The following MYO5C variants were observed in gnomAD, a reference collection of about 807,000 sequenced individuals.
The protein encoded by MYO5C is unconventional myosin-Vc.
In MYO5C, 194 loss-of-function variants were observed where a neutral mutation model predicts 235.7. The ratio of observed to expected loss-of-function variants is 0.82; its 90% CI spans 0.73 to 0.93. The LOEUF is 0.93. Among genes scored for constraint, MYO5C ranks in the 40% least tolerant of loss-of-function variants. The probability of loss-of-function intolerance (pLI) is 0.00; values close to 1 mark genes in which losing one functional copy is unlikely to be tolerated. For synonymous variants in MYO5C, 707 were observed against 754.8 expected (o/e 0.94, Z 1.04); for missense variants, 2,038 against 2,127.2 (o/e 0.96, Z 0.82).
rs2036877706 is a variant in MYO5C, at chr15:52,269,616, CT to C, written c.940+136del. 6.5e-6 allele frequency: 4 copies of C among 613,522 alleles called. No homozygotes were observed. The East Asian group carries it at 1.1e-4, about 17-fold the overall frequency. 38.0% of individuals were successfully genotyped at this position (613,522 alleles called of 1,614,324 possible). A position where few individuals can be genotyped will look rare whatever the true frequency, so the allele number is the denominator to read the frequency against. On this transcript the variant is annotated intron_variant, in intron 8 of 40. Coordinates refer to ENST00000261839, the MANE Select transcript of MYO5C (RefSeq NM_018728.4). ...CCATGTTGGCCAGAATGGTCTCAAT[CT>C]CCTGACCTTGTGATCCGCCCACCTC...
At chr15:52,208,244 A>G (rs920428984) in intron 36 of MYO5C, among the ~76,000 whole-genome samples, 23 of 152,262 alleles carry the variant, frequency 1.5e-4, no homozygotes, top group Non-Finnish European at 2.5e-4. Context: ...GTGAAGAAAC[A>G]GGCATTTTAA....
chr15:52,262,893 C>T (rs918573212), intron 9 of MYO5C, among the ~76,000 whole-genome samples: 2 of 152,176 alleles, frequency 1.3e-5, no homozygotes, highest in African/African-American at 4.8e-5. Flanking sequence ...CCAATGTGAC[C>T]GTATTTGGAG....
chr15:52,204,846 G>T lies in MYO5C; in HGVS notation c.4820+19C>A, dbSNP rs73404850. 678 of 1,610,756 alleles carry T rather than the reference G, an allele frequency of 4.2e-4. 6 individuals carry two copies. The African/African-American group carries it at 5.3e-3, about 13-fold the overall frequency. On this transcript the variant is annotated intron_variant, in intron 38 of 40. Coordinates refer to ENST00000261839, the MANE Select transcript of MYO5C (RefSeq NM_018728.4). Reference sequence around the variant, plus strand: ...TTTCTGCAGGCCTCTCCGCGTGAGCGGAGGTTTCTGGGTTTTACCTGATCT... The same window carrying T: ...TTTCTGCAGGCCTCTCCGCGTGAGCTGAGGTTTCTGGGTTTTACCTGATCT...
chr15:52,252,179 A>T (rs2141335407), intron 12 of MYO5C, among the ~76,000 whole-genome samples: 1 of 152,282 alleles, frequency 6.6e-6, no homozygotes, highest in African/African-American at 2.4e-5. Flanking sequence ...GAAGAATTTT[A>T]TTTCTATAAA....
intron 39 of MYO5C, among the ~76,000 whole-genome samples, chr15:52,195,956 AC>A (rs2035038657): frequency 1.0e-5 from 1 of 98,554 alleles, no homozygotes; most frequent in Non-Finnish European, 1.9e-5. Context: ...GTGCCATCAC[AC>A]CCAGCTTTTT....
chr15:52,221,036 T>G, intron 30 of MYO5C, 126 bp downstream of exon 30: 1 of 675,844 alleles, frequency 1.5e-6, no homozygotes, highest in Non-Finnish European at 2.5e-6. Flanking sequence ...CCTTCTCACA[T>G]TTGTTACCTG....
At chr15:52,244,320 C>T (rs1325289389) in intron 19 of MYO5C, 36 bp downstream of exon 19, 2 of 1,593,914 alleles carry the variant, frequency 1.3e-6, no homozygotes, top group Non-Finnish European at 1.7e-6. Context: ...ACAGAAAGCC[C>T]CACAGTTCCA....
Position 52,237,583 on chromosome 15 carries a change from C to A in MYO5C, c.2767G>T (p.Val923Leu). The A allele has an allele frequency of 4.3e-6, 7 of 1,614,208 alleles. No homozygotes were observed. Among genetic ancestry groups the A allele is most frequent in the Non-Finnish European group, 5.9e-6 (7 of 1,180,050 alleles). ...TSLAALRAGD[V>L]EKIQKLEAEL... ...GCTTCCAGCTTCTGAATCTTTTCCA[C>A]ATCCCCAGCTCGAAGAGCAGCCAGG... The change falls in exon 22 of 41, where the codon GTG (valine) becomes TTG (leucine). Residue 923 changes from valine to leucine, a missense_variant. Coordinates refer to ENST00000261839, the MANE Select transcript of MYO5C (RefSeq NM_018728.4).
chr15:52,260,730 T>C (rs1596204098), intron 10 of MYO5C, 132 bp downstream of exon 10: 4 of 1,013,330 alleles, frequency 3.9e-6, no homozygotes, highest in Non-Finnish European at 4.3e-6. Context: ...TTAGCATCTA[T>C]AGGGGCAAAA....
In MYO5C at chr15:52,295,713, G is replaced by C. The variant is rs1461501921; in HGVS notation, c.-77C>G. ...GGGCTGGGCCTGCGCCGCAGAGGCC[G>C]GGCGCAGGAGAGACCGCCGCGGAAA... is the stretch of plus-strand genomic sequence containing the variant. On this transcript the variant is annotated 5_prime_UTR_variant, in exon 1 of 41. Coordinates refer to ENST00000261839, the MANE Select transcript of MYO5C (RefSeq NM_018728.4). 9.6e-7 allele frequency: 1 copy of C among 1,046,262 alleles called. No individual in the cohort carries two copies. Among genetic ancestry groups the C allele is most frequent in the African/African-American group, 1.7e-5 (1 of 59,654 alleles). 64.8% of individuals were successfully genotyped at this position (1,046,262 alleles called of 1,614,324 possible). A position where few individuals can be genotyped will look rare whatever the true frequency, so the allele number is the denominator to read the frequency against.
chr15:52,275,417 C>T, intron 5 of MYO5C, 145 bp downstream of exon 5: 1 of 952,988 alleles, frequency 1.0e-6, no homozygotes, highest in Non-Finnish European at 1.6e-6. Flanking sequence ...CAAATCCCAC[C>T]AGCAAATAGG....
chr15:52,272,610 G>A lies in MYO5C; in HGVS notation c.720C>T (p.Tyr240=). The A allele has an allele frequency of 6.2e-7, 1 of 1,613,866 alleles. No individual in the cohort carries two copies. Among genetic ancestry groups the A allele is most frequent in the South Asian group, 1.1e-5 (1 of 90,934 alleles). The part of the protein sequence containing the change: ...NQIIGANMST[Y]LLEKSRVVFQ... Reference sequence around the variant, plus strand: ...AGACAACTCTGGATTTCTCCAGGAGGTAAGTGCTCATGTTGGCTCCTATAA... The same window carrying A: ...AGACAACTCTGGATTTCTCCAGGAGATAAGTGCTCATGTTGGCTCCTATAA... The change falls in exon 6 of 41, where the codon TAC becomes TAT. Residue 240 remains tyrosine, a synonymous_variant. Coordinates refer to ENST00000261839, the MANE Select transcript of MYO5C (RefSeq NM_018728.4).
chr15:52,268,170 T>C (rs1193605021), intron 8 of MYO5C, among the ~76,000 whole-genome samples: 2 of 152,176 alleles, frequency 1.3e-5, no homozygotes, highest in East Asian at 1.9e-4. Flanking sequence ...AACCTGAAAC[T>C]CTTAGTTTTT....
chr15:52,223,076 G>A (rs1333369092), intron 29 of MYO5C, among the ~76,000 whole-genome samples: 1 of 151,540 alleles, frequency 6.6e-6, no homozygotes, highest in Non-Finnish European at 1.5e-5. Context: ...TTGAACCTGG[G>A]AGGCGGAGGT....
At chr15:52,196,199 G>C (rs71472928) in intron 39 of MYO5C, 110 bp downstream of exon 39, 2 of 1,022,888 alleles carry the variant, frequency 2.0e-6, no homozygotes, top group South Asian at 3.7e-5. Flanking sequence ...ATGCTCCCGA[G>C]AGTACACACA....
intron 24 of MYO5C, among the ~76,000 whole-genome samples, chr15:52,231,215 T>G (rs1342358995): frequency 1.3e-5 from 2 of 152,210 alleles, no homozygotes; most frequent in Non-Finnish European, 2.9e-5. Flanking sequence ...TGGAGCCTCC[T>G]GAGAATTTTG....
intron 4 of MYO5C, 55 bp from the exon 5 acceptor site, chr15:52,275,773 T>C (rs1291213928): frequency 6.4e-7 from 1 of 1,561,728 alleles, no homozygotes; most frequent in Admixed American, 1.7e-5. Flanking sequence ...AGAGGCAACA[T>C]GTGCTAATTA....
chr15:52,250,057 C>T (rs2036439003), intron 13 of MYO5C, among the ~76,000 whole-genome samples: 1 of 152,084 alleles, frequency 6.6e-6, no homozygotes, highest in Non-Finnish European at 1.5e-5. Context: ...AAAGAAATCC[C>T]ATATGTGCTT....
intron 23 of MYO5C, among the ~76,000 whole-genome samples, chr15:52,234,985 ATCACCAGGC>A (rs71954571): frequency 0.17 from 25,174 of 152,008 alleles, 3,851 homozygotes; most frequent in East Asian, 0.6. Flanking sequence ...CTGGTCAGGG[ATCACCAGGC>A]TCTGTTGCCT....
Sources: allele counts gnomAD v4.1 joint callset (sites outside exome capture counted in the v4.1 genomes callset), GRCh38; gene constraint gnomAD v4.1.1; transcripts MANE v1.5; gene names NCBI Gene and HGNC (gene_info 2026-07-23, HGNC 2026-07-21).